The following MTUS2 variants were observed in gnomAD, a reference collection of about 807,000 sequenced individuals.
The protein encoded by MTUS2 is microtubule-associated tumor suppressor candidate 2.
In MTUS2, 40 loss-of-function variants were observed where a neutral mutation model predicts 114.1. The observed-to-expected ratio is 0.35, with a 90% CI of 0.27 to 0.46. MTUS2 has a LOEUF of 0.46. Among genes scored for constraint, MTUS2 ranks in the 20% least tolerant of loss-of-function variants. MTUS2 has a pLI of 1.00. For synonymous variants in MTUS2, 688 were observed against 672.0 expected (o/e 1.02, Z -0.37); for missense variants, 1,679 against 1,705.4 (o/e 0.98, Z 0.27).
intron 4 of MTUS2, among the ~76,000 whole-genome samples, chr13:29,076,352 A>G (rs927976981): frequency 3.9e-5 from 6 of 152,220 alleles, no homozygotes; most frequent in African/African-American, 1.2e-4. Flanking sequence ...ATGTTGCTAA[A>G]TAACAAATCA....
At chr13:28,863,869 T>A (rs1877139599) in intron 2 of MTUS2, among the ~76,000 whole-genome samples, 1 of 152,112 alleles carries the variant, frequency 6.6e-6, no homozygotes, top group Non-Finnish European at 1.5e-5. Context: ...GGCTAATTTT[T>A]ATTTTTTATA....
At chr13:29,275,484 C>T (rs1312802802) in intron 5 of MTUS2, among the ~76,000 whole-genome samples, 2 of 152,006 alleles carry the variant, frequency 1.3e-5, no homozygotes, top group Non-Finnish European at 2.9e-5. Flanking sequence ...ATTTTTTGTA[C>T]CCATTAACCA....
chr13:29,234,446 C>A (rs760474322), intron 5 of MTUS2, among the ~76,000 whole-genome samples: 25 of 152,112 alleles, frequency 1.6e-4, no homozygotes, highest in Admixed American at 4.6e-4. Flanking sequence ...ATGAATATAA[C>A]CATGCACCAA....
chr13:29,396,027 C>A (rs1329989691), intron 8 of MTUS2, among the ~76,000 whole-genome samples: 4 of 152,042 alleles, frequency 2.6e-5, no homozygotes, highest in Non-Finnish European at 4.4e-5. Flanking sequence ...GTTTGTGGAC[C>A]AAAAAACTTG....
chr13:29,312,428 G>T (rs1031463006), intron 6 of MTUS2, among the ~76,000 whole-genome samples: 1 of 152,130 alleles, frequency 6.6e-6, no homozygotes, highest in Non-Finnish European at 1.5e-5. Flanking sequence ...GATGAGGCAG[G>T]CTTTCAAGTA....
intron 5 of MTUS2, among the ~76,000 whole-genome samples, chr13:29,231,299 T>TA (rs1896314005): frequency 6.6e-6 from 1 of 152,216 alleles, no homozygotes; most frequent in East Asian, 1.9e-4. Context: ...TAAGCTCCTT[T>TA]AAAAAAGTTT....
chr13:28,984,679 A>G (rs1054352561), intron 2 of MTUS2, among the ~76,000 whole-genome samples: 2 of 152,224 alleles, frequency 1.3e-5, no homozygotes, highest in African/African-American at 2.4e-5. Context: ...GAGATCCTCA[A>G]TACTTTCTAT....
At chr13:29,167,513 A>G (rs943462362) in intron 5 of MTUS2, among the ~76,000 whole-genome samples, 1 of 152,016 alleles carries the variant, frequency 6.6e-6, no homozygotes, top group African/African-American at 2.4e-5. Flanking sequence ...TCAATTGTTG[A>G]AAACTAAGAA....
At chr13:28,896,328 C>G (rs368718020) in intron 2 of MTUS2, among the ~76,000 whole-genome samples, 55 of 152,166 alleles carry the variant, frequency 3.6e-4, no homozygotes, top group African/African-American at 1.3e-3. Context: ...AAAATACCTA[C>G]GAATCCAACT....
chr13:29,227,789 T>C (rs1896169961), intron 5 of MTUS2, among the ~76,000 whole-genome samples: 4 of 152,232 alleles, frequency 2.6e-5, no homozygotes, highest in Admixed American at 6.5e-5. Context: ...ATTTCTATTA[T>C]GCAATCTAGG....
At chr13:29,041,914 G>C (rs1046983817) in intron 4 of MTUS2, among the ~76,000 whole-genome samples, 2 of 152,178 alleles carry the variant, frequency 1.3e-5, no homozygotes, top group Non-Finnish European at 2.9e-5. Context: ...TTGGTGAACA[G>C]TGACAGTTTG....
At chr13:29,236,555 T>C (rs1158814819) in intron 5 of MTUS2, among the ~76,000 whole-genome samples, 1 of 152,258 alleles carries the variant, frequency 6.6e-6, no homozygotes. Context: ...TCTATTTTAC[T>C]TATTTTAATG....
chr13:28,858,773 G>A (rs1261783908), intron 2 of MTUS2, among the ~76,000 whole-genome samples: 1 of 152,146 alleles, frequency 6.6e-6, no homozygotes, highest in Non-Finnish European at 1.5e-5. Flanking sequence ...GGAGCTTCCT[G>A]CAAAATCTGG....
At chr13:28,848,452 C>A (rs986802082) in intron 2 of MTUS2, among the ~76,000 whole-genome samples, 3 of 151,250 alleles carry the variant, frequency 2.0e-5, no homozygotes, top group African/African-American at 7.3e-5. Context: ...TGTTAGATAC[C>A]CTAAGAATGA....
chr13:28,940,821 G>T (rs1006310100), intron 2 of MTUS2, among the ~76,000 whole-genome samples: 3 of 152,106 alleles, frequency 2.0e-5, no homozygotes, highest in African/African-American at 7.2e-5. Context: ...ATGGTAAAAA[G>T]ATCTGTGGTA....
At chr13:29,311,027 C>A (rs1899735102) in intron 6 of MTUS2, among the ~76,000 whole-genome samples, 1 of 152,174 alleles carries the variant, frequency 6.6e-6, no homozygotes, top group Non-Finnish European at 1.5e-5. Context: ...TGTATGCACA[C>A]AATGGATCAT....
At chr13:29,456,090 G>A (rs747187793) in intron 9 of MTUS2, among the ~76,000 whole-genome samples, 7 of 152,188 alleles carry the variant, frequency 4.6e-5, no homozygotes, top group South Asian at 2.1e-4. Context: ...TTATAAACAC[G>A]TTCTAGCACT....
intron 2 of MTUS2, among the ~76,000 whole-genome samples, chr13:28,921,244 T>TA (rs142223462): frequency 0.029 from 4,408 of 152,250 alleles, 209 homozygotes; most frequent in African/African-American, 0.1. Flanking sequence ...CAAGGGCTCT[T>TA]TAATCAGCAG....
chr13:29,294,303 A>C (rs1054406933), intron 6 of MTUS2, among the ~76,000 whole-genome samples: 3 of 152,022 alleles, frequency 2.0e-5, no homozygotes, highest in African/African-American at 7.2e-5. Flanking sequence ...TATCCTAATA[A>C]TTTTCCAATA....
Sources: allele counts gnomAD v4.1 joint callset (sites outside exome capture counted in the v4.1 genomes callset), GRCh38; gene constraint gnomAD v4.1.1; transcripts MANE v1.5; gene names NCBI Gene and HGNC (gene_info 2026-07-23, HGNC 2026-07-21).